ACOT1: variants seen among roughly 807,000 people sequenced by gnomAD.
The protein encoded by ACOT1 is acyl-coenzyme A thioesterase 1.
A neutral mutation model predicts 15.7 loss-of-function variants in ACOT1; 8 were observed. That is an observed-to-expected ratio of 0.51 (90% CI 0.30 to 0.92). The LOEUF is 0.92. ACOT1 is among the 40% of genes least tolerant of loss of function. ACOT1 has a pLI of 0.06. For missense variants in ACOT1, 151 were observed against 539.4 expected, an observed-to-expected ratio of 0.28 and a Z score of 7.13; for synonymous variants, 67 against 241.2, an observed-to-expected ratio of 0.28 and a Z score of 6.69.
the ACOT1 span, among the ~76,000 whole-genome samples, chr14:73,528,131 A>G: frequency 9.9e-5 from 15 of 152,010 alleles, no homozygotes; most frequent in Non-Finnish European, 1.6e-4. Context: ...GCGGTGGCTC[A>G]TGCCTGTAAT....
At chr14:73,515,744 A>G in the ACOT1 span, among the ~76,000 whole-genome samples, 3 of 120,036 alleles carry the variant, frequency 2.5e-5, no homozygotes, top group Non-Finnish European at 1.7e-5. Flanking sequence ...TGCCCATACA[A>G]TGCATCTCCT....
the ACOT1 span, chr14:73,495,265 T>C: frequency 1.2e-6 from 2 of 1,614,086 alleles, no homozygotes; most frequent in Non-Finnish European, 8.5e-7. Context: ...GGAGTGTTAG[T>C]GGTCCTTGTT....
the ACOT1 span, among the ~76,000 whole-genome samples, chr14:73,503,437 G>C: frequency 6.6e-6 from 1 of 152,196 alleles, no homozygotes; most frequent in Non-Finnish European, 1.5e-5. Flanking sequence ...GGACAAACCA[G>C]AACAGTTGGT....
upstream of ACOT1, among the ~76,000 whole-genome samples, chr14:73,534,233 G>C (rs1215277454): frequency 1.8e-5 from 2 of 111,630 alleles, no homozygotes; most frequent in Non-Finnish European, 3.9e-5. Context: ...ACAAAAATCA[G>C]CTGGCCGTGG....
intron 1 of ACOT1, among the ~76,000 whole-genome samples, chr14:73,540,983 C>T (rs1353900877): frequency 8.6e-6 from 1 of 115,878 alleles, no homozygotes; most frequent in Non-Finnish European, 1.9e-5. Flanking sequence ...CTCAGGTGAT[C>T]CACCCGTCTC....
the ACOT1 span, chr14:73,499,220 C>A: frequency 8.1e-7 from 1 of 1,230,630 alleles, no homozygotes; most frequent in Non-Finnish European, 1.2e-6. Flanking sequence ...GTGGTGCACC[C>A]CTGTAATCCC....
chr14:73,506,636 T>A, the ACOT1 span: 1 of 1,264,066 alleles, frequency 7.9e-7, no homozygotes, highest in Non-Finnish European at 1.1e-6. Context: ...AACCTTGAAG[T>A]TACATTCTGA....
chr14:73,493,180 G>T, the ACOT1 span: 1 of 1,417,240 alleles, frequency 7.1e-7, no homozygotes, highest in South Asian at 1.2e-5. Flanking sequence ...CTTGATCCGT[G>T]ATCATTTCAG....
the ACOT1 span, among the ~76,000 whole-genome samples, chr14:73,510,050 A>G: frequency 6.7e-6 from 1 of 149,716 alleles, no homozygotes; most frequent in East Asian, 2.0e-4. Flanking sequence ...CTTAGTAGAG[A>G]TGGGATTTCA....
chr14:73,524,310 A>AAAAAAATATATATATAT, the ACOT1 span, among the ~76,000 whole-genome samples: 2 of 54,774 alleles, frequency 3.7e-5, no homozygotes, highest in African/African-American at 1.8e-4. Flanking sequence ...AAAAAAAAAA[A>AAAAAAATATATATATAT]ATATATATAT....
chr14:73,507,522 C>T, the ACOT1 span, among the ~76,000 whole-genome samples: 3 of 152,226 alleles, frequency 2.0e-5, no homozygotes, highest in African/African-American at 7.2e-5. Context: ...CAGCCCCAAC[C>T]TGCCAGGCTC....
the ACOT1 span, among the ~76,000 whole-genome samples, chr14:73,495,631 G>A: frequency 6.6e-6 from 1 of 151,982 alleles, no homozygotes; most frequent in Non-Finnish European, 1.5e-5. Context: ...GTAGTAGGTG[G>A]TACATAAGTG....
chr14:73,525,761 T>C, the ACOT1 span, among the ~76,000 whole-genome samples: 1 of 152,122 alleles, frequency 6.6e-6, no homozygotes, highest in Non-Finnish European at 1.5e-5. Context: ...AAGACTGGCC[T>C]GGCCAACATG....
chr14:73,500,612 A>G, the ACOT1 span: 2 of 1,614,158 alleles, frequency 1.2e-6, no homozygotes, highest in Non-Finnish European at 1.7e-6. Flanking sequence ...ACTGCTGTGA[A>G]GTCATCAGAG....
the ACOT1 span, chr14:73,490,987 G>C: frequency 1.5e-6 from 2 of 1,333,418 alleles, no homozygotes; most frequent in Non-Finnish European, 1.9e-6. Context: ...CCCCCGGCCG[G>C]CCGGGCGGGG....
the ACOT1 span, chr14:73,491,745 C>G: frequency 2.6e-6 from 4 of 1,556,544 alleles, no homozygotes; most frequent in South Asian, 2.4e-5. Context: ...GGACTTTTCT[C>G]TACCGCTGAC....
the ACOT1 span, among the ~76,000 whole-genome samples, chr14:73,512,497 T>C: frequency 6.6e-6 from 1 of 152,210 alleles, no homozygotes; most frequent in East Asian, 1.9e-4. Context: ...ATCACAGTTA[T>C]TAGCTGTGTG....
intron 2 of ACOT1, 47 bp downstream of exon 2, chr14:73,541,742 T>G: frequency 8.5e-7 from 1 of 1,174,152 alleles, no homozygotes; most frequent in South Asian, 1.4e-5. Flanking sequence ...TCAGGTCTCT[T>G]CTTAAATGGT....
At chr14:73,512,133 A>G in the ACOT1 span, 1 of 1,614,002 alleles carries the variant, frequency 6.2e-7, no homozygotes, top group Non-Finnish European at 8.5e-7. Context: ...CTACTGTCTC[A>G]TGGTGCCACT....
Sources: allele counts gnomAD v4.1 joint callset (sites outside exome capture counted in the v4.1 genomes callset), GRCh38; gene constraint gnomAD v4.1.1; transcripts MANE v1.5; gene names NCBI Gene and HGNC (gene_info 2026-07-23, HGNC 2026-07-21).